Variants in MTCL2 observed in about 807,000 individuals in gnomAD.
MTCL2 encodes microtubule crosslinking factor 2.
chr20:36,823,093 G>A, the MTCL2 span, among the ~76,000 whole-genome samples: 1 of 152,188 alleles, frequency 6.6e-6, no homozygotes, highest in Non-Finnish European at 1.5e-5. Flanking sequence ...GGGGTTGGGG[G>A]TGTACCTCAA....
At chr20:36,818,617 T>C in the MTCL2 span, among the ~76,000 whole-genome samples, 1 of 151,978 alleles carries the variant, frequency 6.6e-6, no homozygotes, top group East Asian at 1.9e-4. Flanking sequence ...CTAGGCAACA[T>C]AGCAAGACTC....
the MTCL2 span, among the ~76,000 whole-genome samples, chr20:36,813,074 C>T: frequency 6.6e-6 from 1 of 152,126 alleles, no homozygotes; most frequent in Non-Finnish European, 1.5e-5. Flanking sequence ...TAGGTAAGTG[C>T]GAAGTGATTT....
chr20:36,825,349 G>C, the MTCL2 span, among the ~76,000 whole-genome samples: 1 of 152,230 alleles, frequency 6.6e-6, no homozygotes, highest in African/African-American at 2.4e-5. Flanking sequence ...ACCACACCAT[G>C]TCCGTGGGAA....
chr20:36,843,078 C>T, the MTCL2 span, among the ~76,000 whole-genome samples: 1 of 152,186 alleles, frequency 6.6e-6, no homozygotes, highest in African/African-American at 2.4e-5. Flanking sequence ...GTCAGAGGGA[C>T]ACCTCTGGCT....
the MTCL2 span, among the ~76,000 whole-genome samples, chr20:36,814,026 G>A: frequency 6.6e-6 from 1 of 152,096 alleles, no homozygotes; most frequent in Non-Finnish European, 1.5e-5. Flanking sequence ...TCTGACCTCT[G>A]GTCAGATCAG....
At chr20:36,824,180 T>C in the MTCL2 span, among the ~76,000 whole-genome samples, 2 of 110,220 alleles carry the variant, frequency 1.8e-5, no homozygotes, top group Admixed American at 9.1e-5. Context: ...CCTGCAGTTC[T>C]ACTCCCTGGG....
the MTCL2 span, among the ~76,000 whole-genome samples, chr20:36,811,928 T>C: frequency 6.6e-6 from 1 of 152,206 alleles, no homozygotes; most frequent in East Asian, 1.9e-4. Flanking sequence ...CTTTTCCTGC[T>C]TCAGGCTCAT....
the MTCL2 span, among the ~76,000 whole-genome samples, chr20:36,821,130 CT>C: frequency 6.6e-6 from 1 of 152,256 alleles, no homozygotes; most frequent in East Asian, 1.9e-4. Context: ...AACCAGAGCA[CT>C]GCAGCTTGTC....
the MTCL2 span, chr20:36,778,737 C>T: frequency 6.6e-6 from 1 of 152,342 alleles, no homozygotes; most frequent in Admixed American, 6.6e-5. Flanking sequence ...GGCTGCAGGA[C>T]CCTACAGCAT....
At chr20:36,851,273 T>A in the MTCL2 span, among the ~76,000 whole-genome samples, 2 of 152,142 alleles carry the variant, frequency 1.3e-5, no homozygotes, top group Non-Finnish European at 2.9e-5. Flanking sequence ...GTATATTGTA[T>A]ATATATACCC....
chr20:36,782,003 A>G, the MTCL2 span: 1 of 151,946 alleles, frequency 6.6e-6, no homozygotes, highest in Non-Finnish European at 1.5e-5. Context: ...ACACCTGGCT[A>G]ATTTTTGCAT....
the MTCL2 span, among the ~76,000 whole-genome samples, chr20:36,847,791 CT>C: frequency 1.3e-5 from 2 of 148,270 alleles, no homozygotes; most frequent in African/African-American, 5.0e-5. Context: ...GAGGTTGAGG[CT>C]GCAATAAGCA....
the MTCL2 span, among the ~76,000 whole-genome samples, chr20:36,854,603 C>T: frequency 1.3e-5 from 2 of 152,216 alleles, no homozygotes; most frequent in Non-Finnish European, 2.9e-5. Context: ...ACACAGGCTG[C>T]TCCACCATGG....
the MTCL2 span, among the ~76,000 whole-genome samples, chr20:36,845,980 T>C: frequency 6.6e-6 from 1 of 152,116 alleles, no homozygotes; most frequent in Non-Finnish European, 1.5e-5. Context: ...CCAGCTCCAC[T>C]GGACTCAGTA....
the MTCL2 span, among the ~76,000 whole-genome samples, chr20:36,792,014 T>C: frequency 6.6e-6 from 1 of 151,514 alleles, no homozygotes; most frequent in Non-Finnish European, 1.5e-5. Context: ...ATAGCAGGAG[T>C]GGGGTGTGAA....
chr20:36,808,813 G>T, the MTCL2 span: 1 of 1,390,624 alleles, frequency 7.2e-7, no homozygotes, highest in Non-Finnish European at 9.7e-7. Context: ...TGGGCCCCTG[G>T]ACAGGGGCAG....
chr20:36,794,131 T>C, the MTCL2 span: 1 of 1,551,474 alleles, frequency 6.4e-7, no homozygotes, highest in Non-Finnish European at 8.7e-7. The surrounding 1 kb of genome is among the most constrained non-coding windows in gnomAD (Gnocchi z 5.4). Flanking sequence ...GGCTGCCCGC[T>C]GAGCCTCCGT....
chr20:36,835,183 C>G, the MTCL2 span, among the ~76,000 whole-genome samples: 2 of 152,196 alleles, frequency 1.3e-5, no homozygotes, highest in Admixed American at 1.3e-4. Flanking sequence ...CAAGGCCACA[C>G]AGCAAACGTG....
the MTCL2 span, among the ~76,000 whole-genome samples, chr20:36,824,136 T>A: frequency 2.0e-5 from 3 of 152,042 alleles, no homozygotes; most frequent in East Asian, 5.8e-4. Context: ...TGGGTTTGAA[T>A]CCCATCTTTG....
Sources: gnomAD v4.1 joint callset for allele counts (sites outside exome capture counted in the v4.1 genomes callset) on GRCh38, gnomAD v4.1.1 for gene constraint, Gnocchi (gnomAD v3.1) non-coding constraint, MANE v1.5 for transcripts, NCBI Gene and HGNC (gene_info 2026-07-23, HGNC 2026-07-21) for gene names.